Variants in MYO18A observed in about 807,000 individuals in gnomAD.
MYO18A encodes the protein unconventional myosin-XVIIIa.
In MYO18A, 78 loss-of-function variants were observed where a neutral mutation model predicts 235.8. The observed-to-expected ratio is 0.33, with a 90% CI of 0.28 to 0.40. The LOEUF (loss-of-function observed/expected upper bound fraction) is 0.40, where lower values mean the gene tolerates loss of function less well. Among genes scored for constraint, MYO18A ranks in the 10% least tolerant of loss-of-function variants. The pLI, the probability that MYO18A is intolerant of heterozygous loss-of-function variation, is 1.00. For missense variants in MYO18A, 2,215 were observed against 2,699.3 expected (o/e 0.82, Z 3.98); for synonymous variants, 977 against 1,077.8 (o/e 0.91, Z 1.83).
chr17:29,083,532 G>GCA (rs57491599), intron 40 of MYO18A, among the ~76,000 whole-genome samples: 12,251 of 144,650 alleles, frequency 0.085, 724 homozygotes, highest in Middle Eastern at 0.17. Flanking sequence ...GCGCGCGCGC[G>GCA]CACACACACA....
chr17:29,135,109 T>A (rs1300964120), intron 2 of MYO18A, among the ~76,000 whole-genome samples: 1 of 151,724 alleles, frequency 6.6e-6, no homozygotes, highest in Non-Finnish European at 1.5e-5. Context: ...TTTTTTTTTT[T>A]AATTGAGACA....
At chr17:29,096,724 G>T in intron 28 of MYO18A, 37 bp downstream of exon 28, 1 of 1,547,636 alleles carries the variant, frequency 6.5e-7, no homozygotes. Flanking sequence ...GGCTGCTCCA[G>T]AAGGTTCTCT....
intron 34 of MYO18A, 182 bp from the exon 35 acceptor site, chr17:29,091,108 AG>A (rs2066388382): frequency 1.7e-6 from 1 of 591,242 alleles, no homozygotes; most frequent in Non-Finnish European, 3.0e-6. Flanking sequence ...CAGGGAGATG[AG>A]GGAAAGGGCT....
intron 19 of MYO18A, among the ~76,000 whole-genome samples, chr17:29,107,915 C>CAAAAAA (rs34077783): frequency 2.6e-5 from 2 of 76,444 alleles, no homozygotes; most frequent in Admixed American, 1.6e-4. Context: ...GACTGTGTCT[C>CAAAAAA]AAAAAAAAAA....
chr17:29,104,851 C>T (rs2066742527), intron 20 of MYO18A, among the ~76,000 whole-genome samples: 2 of 152,000 alleles, frequency 1.3e-5, no homozygotes, highest in African/African-American at 4.8e-5. Flanking sequence ...AACGGAGCCC[C>T]ATGCTGCTAA....
At chr17:29,155,078 G>C (rs1290524512) in intron 2 of MYO18A, 1 of 152,264 alleles carries the variant, frequency 6.6e-6, no homozygotes. Context: ...CTGCCTGACG[G>C]TGCTGTCACT....
In MYO18A at chr17:29,106,820, G is replaced by A. The variant is rs149415085; in HGVS notation, c.3441+260C>T. 3.1e-3 allele frequency among the ~76,000 whole-genome samples: 473 copies of A among 152,298 alleles called. 2 individuals are homozygous for A. The highest frequency in any genetic ancestry group is 0.011 in the African/African-American group (453 of 41,554). On this transcript the variant is annotated intron_variant, in intron 20 of 41. Transcript: ENST00000527372. This position sits in a 1 kb window ranked among gnomAD's most constrained non-coding sequence, Gnocchi z 4.6. ...AATAATTCTCATGCACCCTCAGTGC[G>A]CCCAGGCCCTGCTCGCTCCTGGATG...
intron 15 of MYO18A, among the ~76,000 whole-genome samples, 186 bp from the exon 16 acceptor site, chr17:29,112,049 G>A (rs2066943086): frequency 6.6e-6 from 1 of 152,218 alleles, no homozygotes; most frequent in South Asian, 2.1e-4. Flanking sequence ...CGGGGAAAGG[G>A]GAGCCAAGAA....
rs768163700 is a variant in MYO18A, at chr17:29,119,404, C to T, written c.1760G>A (p.Arg587Gln). The change falls in exon 8 of 42, where the codon CGG becomes CAG. Residue 587 changes from arginine (R) to glutamine (Q), a missense_variant. Transcript: ENST00000527372. ...TMLLEKLRVA[R>Q]RPASEATFNV... ...GAATGTGGCTTCACTGGCTGGGCGC[C>T]GAGCCACACGCAGCTTCTCCAGAAG... 2.5e-6 allele frequency: 4 copies of T among 1,611,042 alleles called. No homozygotes were observed. Among genetic ancestry groups the T allele is most frequent in the Non-Finnish European group, 3.4e-6 (4 of 1,179,162 alleles).
chr17:29,134,379 G>A (rs1453856360), intron 2 of MYO18A, among the ~76,000 whole-genome samples: 2 of 151,334 alleles, frequency 1.3e-5, no homozygotes, highest in Admixed American at 1.3e-4. Context: ...TGACGTGCCC[G>A]GCCAGAAGCT....
intron 41 of MYO18A, chr17:29,080,071 C>CGGCTCT: frequency 1.0e-6 from 1 of 985,968 alleles, no homozygotes; most frequent in Non-Finnish European, 1.2e-6. Flanking sequence ...TCGCCGGCTC[C>CGGCTCT]GGCTCTTCCG....
At chr17:29,079,092 AGGCCCAATAATAGCTTAG>A (rs945288299) in intron 41 of MYO18A, among the ~76,000 whole-genome samples, 3 of 152,150 alleles carry the variant, frequency 2.0e-5, no homozygotes, top group Non-Finnish European at 4.4e-5. Context: ...GCTAAGCAAA[AGGCCCAATAATAGCTTAG>A]GGCCACTGAT....
chr17:29,103,449 G>A, intron 21 of MYO18A, 150 bp downstream of exon 21: 1 of 744,450 alleles, frequency 1.3e-6, no homozygotes, highest in Admixed American at 2.4e-5. Flanking sequence ...GCCCCTGAGT[G>A]GCTGGGCGGG....
chr17:29,119,624 A>C lies in MYO18A; in HGVS notation c.1729-189T>G, dbSNP rs1410128056. Among the ~76,000 whole-genome samples the C allele has an allele frequency of 2.9e-5, 4 of 139,940 alleles. No individual in the cohort carries two copies. In the Admixed American group the frequency reaches 3.0e-4, roughly 10 times the overall value. 91.8% of individuals were successfully genotyped at this position (139,940 alleles called of 152,430 possible). A position where few individuals can be genotyped will look rare whatever the true frequency, so the allele number is the denominator to read the frequency against. On this transcript the variant is annotated intron_variant, in intron 7 of 41. Transcript: ENST00000527372. The stretch of plus-strand genomic sequence containing the variant: ...TGTCACTCAGGCTGGAGTGCAGTGG[A>C]GCGATCTTGGCTCACTGCAACTTCT...
chr17:29,099,869 C>G, intron 21 of MYO18A, 107 bp from the exon 22 acceptor site: 1 of 1,458,526 alleles, frequency 6.9e-7, no homozygotes, highest in Non-Finnish European at 9.1e-7. Flanking sequence ...GAGTACAGCC[C>G]TTGGCTTGGG....
rs1053738902 is a variant in MYO18A, at chr17:29,140,072, G to A, written c.1000-17819C>T. Among the ~76,000 whole-genome samples the A allele has an allele frequency of 2.0e-5, 3 of 152,158 alleles. No individual in the cohort carries two copies. Among genetic ancestry groups the A allele is most frequent in the Non-Finnish European group, 4.4e-5 (3 of 68,018 alleles). On this transcript the variant is annotated intron_variant, in intron 2 of 41. Coordinates refer to ENST00000527372, the MANE Select transcript of MYO18A (RefSeq NM_078471.4). This position sits in a 1 kb window ranked among gnomAD's most constrained non-coding sequence, Gnocchi z 4.2. ...AACCCCAGGAAACTGAGGTTCAGAA[G>A]ACAGTGCCCCTCCAAAACTCCTGAA...
At chr17:29,089,267 C>T (rs1461645450) in intron 37 of MYO18A, among the ~76,000 whole-genome samples, 4 of 150,600 alleles carry the variant, frequency 2.7e-5, no homozygotes, top group Admixed American at 2.7e-4. Flanking sequence ...CCCCTCTCTA[C>T]TAAAATACAA....
intron 15 of MYO18A, among the ~76,000 whole-genome samples, chr17:29,112,419 C>T (rs764384662): frequency 6.6e-6 from 1 of 152,200 alleles, no homozygotes; most frequent in Non-Finnish European, 1.5e-5. Context: ...GGTGACTTAA[C>T]GGACGTGGCA....
intron 41 of MYO18A, 60 bp downstream of exon 41, chr17:29,082,256 C>T: frequency 6.2e-7 from 1 of 1,608,966 alleles, no homozygotes; most frequent in African/African-American, 1.3e-5. Context: ...CCAGGCGCTA[C>T]TTGTCCATTC....
Sources: gnomAD v4.1 joint callset for allele counts (sites outside exome capture counted in the v4.1 genomes callset) on GRCh38, gnomAD v4.1.1 for gene constraint, Gnocchi (gnomAD v3.1) non-coding constraint, MANE v1.5 for transcripts, NCBI Gene and HGNC (gene_info 2026-07-23, HGNC 2026-07-21) for gene names.